Variants in CACNA2D1 observed in about 807,000 individuals in gnomAD.
The protein encoded by CACNA2D1 is voltage-dependent calcium channel subunit alpha-2/delta-1.
Under a neutral mutation model 171.5 loss-of-function variants are expected in CACNA2D1, and 53 were observed. That is an observed-to-expected ratio of 0.31 (90% CI 0.25 to 0.39). The LOEUF (loss-of-function observed/expected upper bound fraction) is 0.39, where lower values mean the gene tolerates loss of function less well. Ranked by LOEUF, CACNA2D1 falls within the 10% of genes least tolerant of loss-of-function variation. The probability of loss-of-function intolerance (pLI) is 1.00; values close to 1 mark genes in which losing one functional copy is unlikely to be tolerated. For synonymous variants in CACNA2D1, 442 were observed against 443.1 expected, an observed-to-expected ratio of 1.00 and a Z score of 0.03; for missense variants, 903 against 1,299.8, an observed-to-expected ratio of 0.69 and a Z score of 4.69.
intron 10 of CACNA2D1, among the ~76,000 whole-genome samples, chr7:82,048,244 T>G (rs956569873): frequency 6.6e-6 from 1 of 152,082 alleles, no homozygotes; most frequent in Non-Finnish European, 1.5e-5. Context: ...ACTTAGAGCA[T>G]GATTATGATA....
intron 1 of CACNA2D1, among the ~76,000 whole-genome samples, chr7:82,364,202 GA>G (rs1397538723): frequency 6.6e-6 from 1 of 152,174 alleles, no homozygotes; most frequent in Non-Finnish European, 1.5e-5. Flanking sequence ...CAGCCTGGGT[GA>G]TAGAGACCTG....
rs562892365 is a variant in CACNA2D1, at chr7:82,162,766, G to C, written c.354+7784C>G. The stretch of plus-strand genomic sequence containing the variant: ...AATCCAGACCCTTTTCAGTACTCTG[G>C]ACAAATATTATCTCTCCATTGAAAC... On this transcript the variant is annotated intron_variant, in intron 4 of 38. Transcript: ENST00000356860. 3.3e-5 allele frequency among the ~76,000 whole-genome samples: 5 copies of C among 151,908 alleles called. No individual in the cohort carries two copies. In the East Asian group the frequency reaches 9.7e-4, roughly 30 times the overall value.
chr7:81,986,982 A>T (rs544226642), intron 21 of CACNA2D1, among the ~76,000 whole-genome samples: 1 of 152,288 alleles, frequency 6.6e-6, no homozygotes, highest in Non-Finnish European at 1.5e-5. Context: ...ATTAAAACCG[A>T]TAACATTATA....
rs78073570 is a variant in CACNA2D1 at position 82,179,028 on chromosome 7, A to T, written c.295-8419T>A. ...TCATTCAGTATTATAATACTTTGACATTCTGTGACTTTCTGGCCACAAAAG... is the reference window on the plus strand; with the variant it reads ...TCATTCAGTATTATAATACTTTGACTTTCTGTGACTTTCTGGCCACAAAAG... On this transcript the variant is annotated intron_variant, in intron 3 of 38. Coordinates refer to ENST00000356860, the MANE Select transcript of CACNA2D1 (RefSeq NM_000722.4). Among the ~76,000 whole-genome samples the T allele has an allele frequency of 8.6e-3, 1,315 of 152,024 alleles. 18 individuals carry two copies. Among genetic ancestry groups the T allele is most frequent in the African/African-American group, 0.03 (1,259 of 41,478 alleles).
At chr7:82,150,422 TAAAAAAAA>T in intron 4 of CACNA2D1, among the ~76,000 whole-genome samples, 1 of 140,738 alleles carries the variant, frequency 7.1e-6, no homozygotes, top group South Asian at 2.3e-4. Flanking sequence ...AGCTTTCCCT[TAAAAAAAA>T]AAAAAAAAAT....
At chr7:81,952,336 C>T (rs184987689) in intron 38 of CACNA2D1, among the ~76,000 whole-genome samples, 70 of 151,992 alleles carry the variant, frequency 4.6e-4, no homozygotes, top group African/African-American at 1.7e-3. Flanking sequence ...TTTTGTTCAC[C>T]AGGATTTAAT....
At chr7:82,194,061 T>G (rs578057856) in intron 3 of CACNA2D1, among the ~76,000 whole-genome samples, 97 of 152,122 alleles carry the variant, frequency 6.4e-4, no homozygotes, top group African/African-American at 2.3e-3. Flanking sequence ...AGGAAGTAGT[T>G]TGTGTTGAAT....
At chr7:82,230,929 G>A (rs148217025) in intron 3 of CACNA2D1, among the ~76,000 whole-genome samples, 95 of 152,270 alleles carry the variant, frequency 6.2e-4, no homozygotes, top group African/African-American at 2.2e-3. Context: ...TGAGGCAGGC[G>A]CCAAGTCAGA....
intron 3 of CACNA2D1, among the ~76,000 whole-genome samples, chr7:82,317,328 A>T (rs1815245319): frequency 6.6e-6 from 1 of 152,218 alleles, no homozygotes; most frequent in Admixed American, 6.5e-5. Context: ...CTTATGTGGC[A>T]ATTTAAAACA....
intron 6 of CACNA2D1, among the ~76,000 whole-genome samples, chr7:82,100,148 G>T (rs115827900): frequency 0.026 from 3,948 of 152,082 alleles, 58 homozygotes; most frequent in South Asian, 0.052. Context: ...ATAATTTTTT[G>T]TGTGTGTGTG....
intron 1 of CACNA2D1, among the ~76,000 whole-genome samples, chr7:82,435,754 T>A (rs1352256687): frequency 6.6e-6 from 1 of 152,162 alleles, no homozygotes; most frequent in East Asian, 1.9e-4. Flanking sequence ...TTTTTTTTTT[T>A]AATTTAAAAA....
At chr7:82,165,724 T>A (rs570175785) in intron 4 of CACNA2D1, among the ~76,000 whole-genome samples, 7 of 152,018 alleles carry the variant, frequency 4.6e-5, no homozygotes, top group African/African-American at 1.7e-4. Context: ...GAAGATAAAG[T>A]CTCAAGACTC....
At chr7:82,316,176 T>C (rs1238549551) in intron 3 of CACNA2D1, among the ~76,000 whole-genome samples, 3 of 152,272 alleles carry the variant, frequency 2.0e-5, no homozygotes, top group Admixed American at 2.0e-4. Flanking sequence ...TAGTTTTAAT[T>C]ATTTTATATA....
intron 10 of CACNA2D1, among the ~76,000 whole-genome samples, chr7:82,057,685 T>G (rs1467575181): frequency 6.6e-6 from 1 of 151,894 alleles, no homozygotes; most frequent in East Asian, 1.9e-4. Context: ...ATGTCTGTGG[T>G]TGGAGATAAC....
chr7:82,175,232 G>A (rs1434526020), intron 3 of CACNA2D1, among the ~76,000 whole-genome samples: 1 of 151,654 alleles, frequency 6.6e-6, no homozygotes, highest in Non-Finnish European at 1.5e-5. Context: ...CCATAATGTT[G>A]GTACTCTTGT....
At chr7:82,016,514 G>T (rs961829059) in intron 12 of CACNA2D1, among the ~76,000 whole-genome samples, 1 of 150,898 alleles carries the variant, frequency 6.6e-6, no homozygotes, top group African/African-American at 2.4e-5. Flanking sequence ...AGAAAGGCAA[G>T]CACTTCTAAT....
chr7:82,277,233 C>T (rs979047484), intron 3 of CACNA2D1, among the ~76,000 whole-genome samples: 3 of 151,790 alleles, frequency 2.0e-5, no homozygotes, highest in South Asian at 2.1e-4. Flanking sequence ...GATGAAGTCT[C>T]GCTGTGTCGC....
At position 82,095,619 on chromosome 7, in the gene CACNA2D1, C is replaced by T. The variant is rs1811762328; in HGVS notation, c.527-10719G>A. Among the ~76,000 whole-genome samples, 4 of 152,116 alleles carry T rather than the reference C, an allele frequency of 2.6e-5. No individual in the cohort carries two copies. The South Asian group carries it at 6.2e-4, about 24-fold the overall frequency. On this transcript the variant is annotated intron_variant, in intron 6 of 38. Coordinates refer to ENST00000356860, the MANE Select transcript of CACNA2D1 (RefSeq NM_000722.4). The stretch of plus-strand genomic sequence containing the variant: ...TATACTTAACGTATAACAGGCACGC[C>T]ATAAACAGTAATAACTAGTATGTTT...
intron 1 of CACNA2D1, among the ~76,000 whole-genome samples, chr7:82,420,864 A>G (rs1341806345): frequency 1.3e-5 from 2 of 152,026 alleles, no homozygotes; most frequent in Non-Finnish European, 2.9e-5. Flanking sequence ...CCTTTCTCTA[A>G]CATTGGTTGT....
Sources: gnomAD v4.1 joint callset for allele counts (sites outside exome capture counted in the v4.1 genomes callset) on GRCh38, gnomAD v4.1.1 for gene constraint, MANE v1.5 for transcripts, NCBI Gene and HGNC (gene_info 2026-07-23, HGNC 2026-07-21) for gene names.